Variants in FAM177B observed in about 807,000 individuals in gnomAD.
FAM177B encodes the protein protein FAM177B.
A neutral mutation model predicts 16.1 loss-of-function variants in FAM177B; 16 were observed. The ratio of observed to expected loss-of-function variants is 0.99; its 90% CI spans 0.67 to 1.51. The LOEUF (loss-of-function observed/expected upper bound fraction) is 1.51, where lower values mean the gene tolerates loss of function less well. Among genes scored for constraint, FAM177B ranks in the 40% most tolerant of loss-of-function variants. The pLI is 0.00. For synonymous variants in FAM177B, 56 were observed against 59.9 expected, an observed-to-expected ratio of 0.93 and a Z score of 0.30; for missense variants, 178 against 183.7, an observed-to-expected ratio of 0.97 and a Z score of 0.18.
chr1:222,746,818 C>A, intron 3 of FAM177B, 99 bp downstream of exon 3: 1 of 1,133,216 alleles, frequency 8.8e-7, no homozygotes, highest in Non-Finnish European at 1.3e-6. Flanking sequence ...TAGCTTTAAG[C>A]TAAGTCCTTG....
intron 2 of FAM177B, among the ~76,000 whole-genome samples, chr1:222,744,472 C>CAAAAAAAAAAAAAAAAAAAAAA (rs763596466): frequency 1.2e-5 from 1 of 82,482 alleles, no homozygotes; most frequent in Non-Finnish European, 2.7e-5. Flanking sequence ...AACTCCATCT[C>CAAAAAAAAAAAAAAAAAAAAAA]AAAAAAAAAA....
intron 4 of FAM177B, among the ~76,000 whole-genome samples, chr1:222,747,700 G>A (rs1357369659): frequency 3.3e-5 from 5 of 152,120 alleles, no homozygotes; most frequent in Non-Finnish European, 1.5e-5. Flanking sequence ...TGATAGGAAG[G>A]CAAACTAAGA....
intron 2 of FAM177B, among the ~76,000 whole-genome samples, chr1:222,741,905 CCTCTCTCTCT>C (rs71175184): frequency 0.029 from 2,235 of 77,940 alleles, 49 homozygotes; most frequent in Middle Eastern, 0.049. Context: ...TCCCTCCCTC[CCTCTCTCTCT>C]CTCTCTCTCT....
At chr1:222,747,110 A>G (rs1213190007) in intron 4 of FAM177B, 29 bp downstream of exon 4, 5 of 1,460,300 alleles carry the variant, frequency 3.4e-6, no homozygotes, top group Admixed American at 3.3e-5. Context: ...ATTTTTTTCT[A>G]TCCTAAACAA....
intron 2 of FAM177B, among the ~76,000 whole-genome samples, chr1:222,741,198 A>G (rs1175199200): frequency 6.6e-6 from 1 of 151,130 alleles, no homozygotes; most frequent in African/African-American, 2.4e-5. Context: ...AGCTGCGACT[A>G]CAGGCACATG....
In FAM177B at chr1:222,747,042, C is replaced by G; in HGVS notation, c.202C>G (p.Arg68Gly). 1 of 1,611,754 alleles carries G rather than the reference C, an allele frequency of 6.2e-7. No individual in the cohort carries two copies. Among genetic ancestry groups the G allele is most frequent in the Non-Finnish European group, 8.5e-7 (1 of 1,178,018 alleles). Residue 68 changes from arginine to glycine, a missense_variant, in exon 4 of 6, where the codon CGA (arginine) becomes GGA (glycine). Transcript: ENST00000445590. ...PSKLSWGPYL[R>G]FWAGRIASTS... ...TAAACTTTCCTGGGGGCCCTACCTACGATTTTGGGCAGGACGAATAGCAAG... is the reference window on the plus strand; with the variant it reads ...TAAACTTTCCTGGGGGCCCTACCTAGGATTTTGGGCAGGACGAATAGCAAG...
Position 222,747,543 on chromosome 1 carries a change from C to T in FAM177B, c.241+462C>T, listed in dbSNP as rs138263627. 297 of 154,576 alleles carry T rather than the reference C, an allele frequency of 1.9e-3. 3 individuals carry two copies. Among genetic ancestry groups the T allele is most frequent in the African/African-American group, 6.6e-3 (275 of 41,602 alleles). The allele number at this position is 154,576 out of a possible 1,614,324, so 9.6% of individuals were successfully genotyped here. Reference sequence around the variant, plus strand: ...ATAAACATGAACTTTATCGATCCCTCCTGGGGGCATAATGAATGGGCTAAG... The same window carrying T: ...ATAAACATGAACTTTATCGATCCCTTCTGGGGGCATAATGAATGGGCTAAG... On this transcript the variant is annotated intron_variant, in intron 4 of 5. Transcript: ENST00000445590.
At chr1:222,739,351 A>C (rs1343113656) in intron 2 of FAM177B, among the ~76,000 whole-genome samples, 1 of 152,204 alleles carries the variant, frequency 6.6e-6, no homozygotes, top group Non-Finnish European at 1.5e-5. Flanking sequence ...AATACACCAA[A>C]TCCCTAAATC....
intron 2 of FAM177B, among the ~76,000 whole-genome samples, chr1:222,741,638 G>C (rs1658537831): frequency 6.6e-6 from 1 of 151,332 alleles, no homozygotes; most frequent in African/African-American, 2.4e-5. Flanking sequence ...ACTCAAGCAA[G>C]TCTGTCAGCT....
chr1:222,741,802 C>T lies in FAM177B; in HGVS notation c.-16+3781C>T, dbSNP rs111949032. The stretch of plus-strand genomic sequence containing the variant: ...TCTTTCTTTTTCTTTCTTTCTTTCT[C>T]TCTTTCTTTCTTCTTTCTTTCTTTT... On this transcript the variant is annotated intron_variant, in intron 2 of 5. Transcript: ENST00000445590. 4.4e-4 allele frequency among the ~76,000 whole-genome samples: 54 copies of T among 123,746 alleles called. No individual in the cohort carries two copies. In the East Asian group the frequency reaches 0.014, roughly 31 times the overall value. 81.2% of individuals were successfully genotyped at this position (123,746 alleles called of 152,430 possible). A position where few individuals can be genotyped will look rare whatever the true frequency, so the allele number is the denominator to read the frequency against.
At chr1:222,747,301 A>G in intron 4 of FAM177B, 1 of 508,876 alleles carries the variant, frequency 2.0e-6, no homozygotes, top group East Asian at 3.3e-5. Context: ...ATCTCGGCCC[A>G]AATTTTATCT....
intron 2 of FAM177B, among the ~76,000 whole-genome samples, chr1:222,745,000 G>A (rs1340107159): frequency 6.6e-6 from 1 of 152,068 alleles, no homozygotes; most frequent in Non-Finnish European, 1.5e-5. Context: ...CTATAATTTT[G>A]CCTTTTCTAA....
At chr1:222,744,236 C>T (rs1033730947) in intron 2 of FAM177B, among the ~76,000 whole-genome samples, 9 of 152,064 alleles carry the variant, frequency 5.9e-5, no homozygotes, top group South Asian at 2.1e-4. Context: ...TTTGGGAGGC[C>T]GAGGCGGGTG....
chr1:222,750,724 A>C lies in FAM177B; in HGVS notation c.*666A>C. 2.8e-6 allele frequency: 1 copy of C among 353,644 alleles called. No individual in the cohort carries two copies. The highest frequency in any genetic ancestry group is 4.0e-6 in the Non-Finnish European group (1 of 252,578). 21.9% of individuals were successfully genotyped at this position (353,644 alleles called of 1,614,324 possible). A position where few individuals can be genotyped will look rare whatever the true frequency, so the allele number is the denominator to read the frequency against. ...CAAGAAATTTTCAAAACCTGGAAAG[A>C]TCGAACATGGAAATCATTGTTAGAT... On this transcript the variant is annotated 3_prime_UTR_variant, in exon 6 of 6. Transcript: ENST00000445590.
Position 222,750,387 on chromosome 1 carries a change from G to A in FAM177B, c.*329G>A. On this transcript the variant is annotated 3_prime_UTR_variant, in exon 6 of 6. Transcript: ENST00000445590. The stretch of plus-strand genomic sequence containing the variant: ...AAATGCCTTAAGGAACTTTGGGACT[G>A]GGAGTTTTTGGCTGAAATCCTCTGT... The A allele has an allele frequency of 9.6e-7, 1 of 1,047,000 alleles. No homozygotes were observed. Among genetic ancestry groups the A allele is most frequent in the African/African-American group, 1.7e-5 (1 of 59,180 alleles). 64.9% of individuals were successfully genotyped at this position (1,047,000 alleles called of 1,614,324 possible).
intron 4 of FAM177B, among the ~76,000 whole-genome samples, chr1:222,748,333 G>T (rs563640800): frequency 4.6e-5 from 7 of 152,332 alleles, no homozygotes; most frequent in Non-Finnish European, 5.9e-5. Flanking sequence ...TCAGGTAAAA[G>T]AAGCAAAACT....
At chr1:222,742,896 T>G (rs79518543) in intron 2 of FAM177B, among the ~76,000 whole-genome samples, 2,254 of 152,284 alleles carry the variant, frequency 0.015, 51 homozygotes, top group African/African-American at 0.047. Context: ...AATATATTAG[T>G]TTGGGGCAAA....
At chr1:222,746,422 C>T (rs1185907296) in intron 2 of FAM177B, 109 bp from the exon 3 acceptor site, 11 of 589,194 alleles carry the variant, frequency 1.9e-5, no homozygotes, top group Middle Eastern at 4.6e-4. Flanking sequence ...GATGAGGTCA[C>T]AGGTGTGATT....
At position 222,750,720 on chromosome 1, in the gene FAM177B, A is replaced by G. The variant is rs1407159840; in HGVS notation, c.*662A>G. On this transcript the variant is annotated 3_prime_UTR_variant, in exon 6 of 6. Coordinates refer to ENST00000445590, the MANE Select transcript of FAM177B (RefSeq NM_001394345.1). ...TTGTCAAGAAATTTTCAAAACCTGGAAAGATCGAACATGGAAATCATTGTT... is the reference window on the plus strand; with the variant it reads ...TTGTCAAGAAATTTTCAAAACCTGGGAAGATCGAACATGGAAATCATTGTT... 3 of 376,502 alleles carry G rather than the reference A, an allele frequency of 8.0e-6. No individual in the cohort carries two copies. Among genetic ancestry groups the G allele is most frequent in the Non-Finnish European group, 1.1e-5 (3 of 273,672 alleles). 23.3% of individuals were successfully genotyped at this position (376,502 alleles called of 1,614,324 possible). A position where few individuals can be genotyped will look rare whatever the true frequency, so the allele number is the denominator to read the frequency against.
Sources: gnomAD v4.1 joint callset for allele counts (sites outside exome capture counted in the v4.1 genomes callset) on GRCh38, gnomAD v4.1.1 for gene constraint, MANE v1.5 for transcripts, NCBI Gene and HGNC (gene_info 2026-07-23, HGNC 2026-07-21) for gene names.